UBE2E2: variants seen among roughly 807,000 people sequenced by gnomAD.
The protein encoded by UBE2E2 is ubiquitin conjugating enzyme E2 E2.
UBE2E2 carries 6 observed loss-of-function variants against 24.7 expected under a neutral mutation model. That is an observed-to-expected ratio of 0.24 (90% CI 0.13 to 0.48). The LOEUF (loss-of-function observed/expected upper bound fraction) is 0.48. Ranked by LOEUF, UBE2E2 falls within the 20% of genes least tolerant of loss-of-function variation. The probability of loss-of-function intolerance (pLI) is 0.99; values close to 1 mark genes in which losing one functional copy is unlikely to be tolerated. For synonymous variants in UBE2E2, 104 were observed against 83.6 expected (o/e 1.24, Z -1.33); for missense variants, 169 against 245.0 (o/e 0.69, Z 2.07).
chr3:23,569,097 T>TA (rs754895005), intron 5 of UBE2E2, among the ~76,000 whole-genome samples: 1 of 152,194 alleles, frequency 6.6e-6, no homozygotes, highest in Non-Finnish European at 1.5e-5. Context: ...CATCAGTTGA[T>TA]AAATGGATAA....
intron 5 of UBE2E2, among the ~76,000 whole-genome samples, chr3:23,565,086 C>G (rs1696036189): frequency 1.3e-5 from 2 of 152,132 alleles, no homozygotes; most frequent in African/African-American, 4.8e-5. Flanking sequence ...CACACACACA[C>G]AGACACGCTT....
At chr3:23,396,331 G>GTGTA (rs148974711) in intron 3 of UBE2E2, among the ~76,000 whole-genome samples, 34 of 143,078 alleles carry the variant, frequency 2.4e-4, no homozygotes, top group East Asian at 6.0e-4. Flanking sequence ...ATATATATAC[G>GTGTA]TATATATATA....
At chr3:23,394,094 G>A (rs986171667) in intron 3 of UBE2E2, among the ~76,000 whole-genome samples, 3 of 152,226 alleles carry the variant, frequency 2.0e-5, no homozygotes, top group Non-Finnish European at 4.4e-5. Context: ...GATGGACTGT[G>A]TGCATAATGG....
chr3:23,309,990 C>A (rs1694319675), intron 3 of UBE2E2, among the ~76,000 whole-genome samples: 2 of 152,066 alleles, frequency 1.3e-5, no homozygotes, highest in South Asian at 4.1e-4. Flanking sequence ...AGAATACTCT[C>A]AAAAGTCACA....
At chr3:23,435,636 A>G (rs1014251408) in intron 3 of UBE2E2, among the ~76,000 whole-genome samples, 1 of 152,214 alleles carries the variant, frequency 6.6e-6, no homozygotes, top group Non-Finnish European at 1.5e-5. Flanking sequence ...GCTTTGTAGT[A>G]TCAAGAGGGT....
chr3:23,499,794 C>A, intron 4 of UBE2E2, 54 bp downstream of exon 4: 1 of 1,576,540 alleles, frequency 6.3e-7, no homozygotes, highest in Non-Finnish European at 8.6e-7. Flanking sequence ...TTTCTAGATA[C>A]ATATACTTAT....
At chr3:23,298,499 A>C (rs1408026149) in intron 3 of UBE2E2, among the ~76,000 whole-genome samples, 7 of 151,986 alleles carry the variant, frequency 4.6e-5, no homozygotes, top group Admixed American at 1.3e-4. Flanking sequence ...TAGCATGAAG[A>C]GTTGTTGAAT....
At chr3:23,265,102 G>A (rs568379731) in intron 3 of UBE2E2, among the ~76,000 whole-genome samples, 2 of 152,256 alleles carry the variant, frequency 1.3e-5, no homozygotes, top group South Asian at 2.1e-4. Flanking sequence ...AAGAAGGAAA[G>A]GACCAGATGT....
chr3:23,402,544 C>T (rs888876614), intron 3 of UBE2E2, among the ~76,000 whole-genome samples: 1 of 152,018 alleles, frequency 6.6e-6, no homozygotes, highest in African/African-American at 2.4e-5. Context: ...AGTTGCTAGC[C>T]CACATGTCCT....
At chr3:23,499,511 T>A in intron 3 of UBE2E2, 97 bp from the exon 4 acceptor site, 1 of 1,453,958 alleles carries the variant, frequency 6.9e-7, no homozygotes. Flanking sequence ...TTTTGTGTTT[T>A]TATGGAATTG....
chr3:23,428,744 CAGG>C (rs1697986895), intron 3 of UBE2E2, among the ~76,000 whole-genome samples: 2 of 151,666 alleles, frequency 1.3e-5, no homozygotes, highest in African/African-American at 4.8e-5. Flanking sequence ...GAGGCAGAAG[CAGG>C]AGGATTGTTT....
intron 3 of UBE2E2, among the ~76,000 whole-genome samples, chr3:23,233,902 A>G (rs1697032427): frequency 6.6e-6 from 1 of 152,230 alleles, no homozygotes; most frequent in African/African-American, 2.4e-5. Context: ...AGTGTTTGAA[A>G]TACTAAATTC....
At chr3:23,468,422 A>T (rs1275687366) in intron 3 of UBE2E2, among the ~76,000 whole-genome samples, 3 of 152,260 alleles carry the variant, frequency 2.0e-5, no homozygotes, top group Non-Finnish European at 4.4e-5. Flanking sequence ...AACAAAAAAG[A>T]TGTTAAATCA....
chr3:23,265,675 T>A (rs1420393581), intron 3 of UBE2E2, among the ~76,000 whole-genome samples: 2 of 152,154 alleles, frequency 1.3e-5, no homozygotes, highest in African/African-American at 4.8e-5. Context: ...CTCTCTCACA[T>A]AGGAAGCTTG....
chr3:23,304,961 T>C (rs1699201257), intron 3 of UBE2E2, among the ~76,000 whole-genome samples: 1 of 152,158 alleles, frequency 6.6e-6, no homozygotes, highest in Non-Finnish European at 1.5e-5. Context: ...AATTATTGGC[T>C]CTCTGAAAGA....
intron 3 of UBE2E2, among the ~76,000 whole-genome samples, chr3:23,294,397 G>A (rs1258489103): frequency 6.6e-6 from 1 of 151,890 alleles, no homozygotes; most frequent in African/African-American, 2.4e-5. Flanking sequence ...TAGTTTTCTT[G>A]CTGGGAAAAC....
chr3:23,266,532 C>T (rs1425111444), intron 3 of UBE2E2, among the ~76,000 whole-genome samples: 4 of 152,046 alleles, frequency 2.6e-5, no homozygotes, highest in Non-Finnish European at 5.9e-5. Flanking sequence ...GATGGGCTTC[C>T]CTTTGTGGGT....
chr3:23,532,563 C>T lies in UBE2E2; in HGVS notation c.370C>T (p.Arg124Ter), dbSNP rs1394435542. 1.3e-6 allele frequency: 2 copies of T among 1,517,438 alleles called. No homozygotes were observed. Among genetic ancestry groups the T allele is most frequent in the East Asian group, 2.3e-5 (1 of 43,646 alleles). The allele number at this position is 1,517,438 out of a possible 1,614,324, so 94.0% of individuals were successfully genotyped here. The change falls in exon 5 of 6, where the codon CGA becomes TGA. Residue 124 changes from arginine (R) to a stop codon, truncating the protein, a stop_gained. Coordinates refer to ENST00000396703, the MANE Select transcript of UBE2E2 (RefSeq NM_152653.4). LOFTEE classifies it high-confidence loss of function. ...YPFKPPKVTF[R>*]TRIYHCNINS... ...TTACATTTTCTTGTAGGTTACCTTCCGAACAAGAATCTATCACTGTAATAT... is the reference window on the plus strand; with the variant it reads ...TTACATTTTCTTGTAGGTTACCTTCTGAACAAGAATCTATCACTGTAATAT...
rs1000251055 is a variant in UBE2E2 at position 23,473,381 on chromosome 3, A to G, written c.228-26227A>G. ...TCCCCAGGGGTCAAAAAAAGCACCA[A>G]TCTACCTTTAATTTTTGTGGTTGGG... On this transcript the variant is annotated intron_variant, in intron 3 of 5. Transcript: ENST00000396703. Among the ~76,000 whole-genome samples the G allele has an allele frequency of 1.3e-4, 20 of 152,204 alleles. 1 individual carries two copies. The highest frequency in any genetic ancestry group is 1.1e-3 in the Admixed American group (17 of 15,300).
Sources: gnomAD v4.1 joint callset for allele counts (sites outside exome capture counted in the v4.1 genomes callset) on GRCh38, gnomAD v4.1.1 for gene constraint, MANE v1.5 for transcripts, NCBI Gene and HGNC (gene_info 2026-07-23, HGNC 2026-07-21) for gene names.